Variants in HCN1 observed in about 807,000 individuals in gnomAD.
HCN1 encodes hyperpolarization activated cyclic nucleotide gated potassium channel 1, also known as potassium/sodium hyperpolarization-activated cyclic nucleotide-gated channel 1.
A neutral mutation model predicts 78.9 loss-of-function variants in HCN1; 13 were observed. That is an observed-to-expected ratio of 0.16 (90% CI 0.11 to 0.26). HCN1 has a LOEUF of 0.26. Ranked by LOEUF, HCN1 falls within the 10% of genes least tolerant of loss-of-function variation. The pLI, the probability that HCN1 is intolerant of heterozygous loss-of-function variation, is 1.00. For missense variants in HCN1, 810 were observed against 1,154.3 expected, an observed-to-expected ratio of 0.70 and a Z score of 4.32; for synonymous variants, 552 against 455.5, an observed-to-expected ratio of 1.21 and a Z score of -2.70.
intron 2 of HCN1, among the ~76,000 whole-genome samples, chr5:45,522,553 C>T (rs928732170): frequency 1.3e-5 from 2 of 151,280 alleles, no homozygotes. Context: ...CAGTTTTACC[C>T]AAAAGATACT....
intron 2 of HCN1, among the ~76,000 whole-genome samples, chr5:45,607,273 C>A (rs1248167047): frequency 2.0e-5 from 3 of 151,188 alleles, no homozygotes; most frequent in Non-Finnish European, 4.4e-5. Context: ...TTAAAAATAC[C>A]TTTTTTAAGA....
intron 2 of HCN1, among the ~76,000 whole-genome samples, chr5:45,505,241 C>A (rs1236944627): frequency 6.6e-6 from 1 of 152,048 alleles, no homozygotes; most frequent in Non-Finnish European, 1.5e-5. Flanking sequence ...TTAGGTCTAA[C>A]ATTTAAGTCT....
At chr5:45,510,765 A>T (rs749943206) in intron 2 of HCN1, among the ~76,000 whole-genome samples, 1 of 152,084 alleles carries the variant, frequency 6.6e-6, no homozygotes, top group Non-Finnish European at 1.5e-5. Context: ...AAAGGAGTAG[A>T]AGAAGGGTAT....
At chr5:45,302,108 C>T (rs907586897) in intron 6 of HCN1, among the ~76,000 whole-genome samples, 2 of 152,044 alleles carry the variant, frequency 1.3e-5, no homozygotes, top group Non-Finnish European at 2.9e-5. Context: ...AGGGTATGTC[C>T]TTTTGTTTAT....
chr5:45,604,439 G>T (rs1744686364), intron 2 of HCN1, among the ~76,000 whole-genome samples: 1 of 151,848 alleles, frequency 6.6e-6, no homozygotes, highest in East Asian at 1.9e-4. Context: ...CTGTGCTTTT[G>T]ACACACTAAA....
chr5:45,659,246 G>T (rs888924237), intron 1 of HCN1, among the ~76,000 whole-genome samples: 1 of 139,178 alleles, frequency 7.2e-6, no homozygotes, highest in Non-Finnish European at 1.5e-5. Context: ...TGAGGGTCCT[G>T]TCTGTTAGAA....
At chr5:45,493,004 C>G (rs1741923202) in intron 2 of HCN1, among the ~76,000 whole-genome samples, 1 of 151,966 alleles carries the variant, frequency 6.6e-6, no homozygotes, top group South Asian at 2.1e-4. Context: ...TGGAAGTGAA[C>G]TGTAAAATAT....
intron 2 of HCN1, among the ~76,000 whole-genome samples, chr5:45,514,257 T>A (rs1236899447): frequency 6.6e-6 from 1 of 152,108 alleles, no homozygotes; most frequent in East Asian, 1.9e-4. Flanking sequence ...GGAAATAATA[T>A]CCTTATTTTT....
At chr5:45,448,170 A>T (rs577908984) in intron 3 of HCN1, among the ~76,000 whole-genome samples, 12 of 152,248 alleles carry the variant, frequency 7.9e-5, no homozygotes, top group South Asian at 6.2e-4. Context: ...CCATGGAAAA[A>T]CAGTTCTTTC....
At chr5:45,418,452 A>C (rs914211688) in intron 3 of HCN1, among the ~76,000 whole-genome samples, 2 of 149,774 alleles carry the variant, frequency 1.3e-5, no homozygotes, top group African/African-American at 4.9e-5. Flanking sequence ...AGCTCATCTG[A>C]GCTAACAAAT....
intron 2 of HCN1, among the ~76,000 whole-genome samples, chr5:45,494,445 T>C (rs1048115160): frequency 4.0e-5 from 6 of 151,666 alleles, no homozygotes; most frequent in Admixed American, 2.0e-4. Flanking sequence ...TTTGATGGGG[T>C]TGTTTGTTTT....
intron 3 of HCN1, among the ~76,000 whole-genome samples, chr5:45,421,722 C>T (rs1740233102): frequency 6.6e-6 from 1 of 152,124 alleles, no homozygotes. Context: ...GAATAAAATA[C>T]AATGGACTGA....
At chr5:45,461,697 C>A in intron 3 of HCN1, 149 bp downstream of exon 3, 1 of 758,126 alleles carries the variant, frequency 1.3e-6, no homozygotes, top group Non-Finnish European at 2.3e-6. Context: ...CCTCCACAAA[C>A]ATAACATCTG....
At chr5:45,602,500 A>T (rs1744645678) in intron 2 of HCN1, among the ~76,000 whole-genome samples, 1 of 152,116 alleles carries the variant, frequency 6.6e-6, no homozygotes. Context: ...AAACAGTGAG[A>T]ATATAAATTC....
intron 2 of HCN1, among the ~76,000 whole-genome samples, chr5:45,475,932 A>C (rs1465777196): frequency 6.6e-6 from 1 of 152,310 alleles, no homozygotes; most frequent in East Asian, 1.9e-4. Context: ...AGACACAGAT[A>C]TATCCAAGAG....
At chr5:45,452,845 CA>C (rs200934892) in intron 3 of HCN1, among the ~76,000 whole-genome samples, 2 of 151,550 alleles carry the variant, frequency 1.3e-5, no homozygotes, top group Non-Finnish European at 3.0e-5. Context: ...ACAAACACTT[CA>C]AAAAAAATGA....
chr5:45,666,754 C>T (rs965154247), intron 1 of HCN1, among the ~76,000 whole-genome samples: 3 of 151,920 alleles, frequency 2.0e-5, no homozygotes, highest in Non-Finnish European at 4.4e-5. Flanking sequence ...AGTGAACTCC[C>T]TAAATAAATT....
intron 6 of HCN1, among the ~76,000 whole-genome samples, chr5:45,299,962 G>A (rs572529241): frequency 6.6e-6 from 1 of 151,954 alleles, no homozygotes. Context: ...TTTTATCTCA[G>A]AAATGATCTT....
At chr5:45,633,241 A>C (rs1402667656) in intron 2 of HCN1, among the ~76,000 whole-genome samples, 1 of 152,006 alleles carries the variant, frequency 6.6e-6, no homozygotes, top group African/African-American at 2.4e-5. Flanking sequence ...TGAATGTCTC[A>C]TATTATATTC....
Sources: gnomAD v4.1 joint callset for allele counts (sites outside exome capture counted in the v4.1 genomes callset) on GRCh38, gnomAD v4.1.1 for gene constraint, MANE v1.5 for transcripts, NCBI Gene and HGNC (gene_info 2026-07-23, HGNC 2026-07-21) for gene names.